MEMO1: variants seen among roughly 807,000 people sequenced by gnomAD.
MEMO1 encodes the protein mediator of cell motility 1, also known as protein MEMO1.
Under a neutral mutation model 45.2 loss-of-function variants are expected in MEMO1, and 6 were observed. That is an observed-to-expected ratio of 0.13 (90% CI 0.07 to 0.26). The LOEUF (loss-of-function observed/expected upper bound fraction) is 0.26. MEMO1 is among the 10% of genes least tolerant of loss of function. MEMO1 has a pLI of 1.00. For synonymous variants in MEMO1, 78 were observed against 124.3 expected, an observed-to-expected ratio of 0.63 and a Z score of 2.48; for missense variants, 184 against 370.5, an observed-to-expected ratio of 0.50 and a Z score of 4.13.
chr2:31,904,440 G>A (rs1020970835), intron 6 of MEMO1, among the ~76,000 whole-genome samples: 6 of 152,204 alleles, frequency 3.9e-5, no homozygotes, highest in East Asian at 1.9e-4. Flanking sequence ...GATTTTAAAT[G>A]TTAAAGCAGC....
At chr2:31,921,934 CAA>C (rs1682376991) in intron 4 of MEMO1, among the ~76,000 whole-genome samples, 1 of 152,108 alleles carries the variant, frequency 6.6e-6, no homozygotes, top group African/African-American at 2.4e-5. Flanking sequence ...ATCTTGACAT[CAA>C]GAGTAATGTT....
At chr2:32,004,342 A>G (rs972979497) in intron 2 of MEMO1, among the ~76,000 whole-genome samples, 1 of 152,178 alleles carries the variant, frequency 6.6e-6, no homozygotes, top group African/African-American at 2.4e-5. Flanking sequence ...CAGTAGAAAA[A>G]AAGGGCAAAA....
intron 2 of MEMO1, among the ~76,000 whole-genome samples, chr2:31,971,388 C>T (rs1229657762): frequency 1.3e-5 from 2 of 152,028 alleles, no homozygotes; most frequent in Admixed American, 1.3e-4. Flanking sequence ...GCTAGGACTA[C>T]AGGCTTGCAT....
chr2:31,991,571 C>A (rs1243079513), intron 2 of MEMO1, among the ~76,000 whole-genome samples: 16 of 110,172 alleles, frequency 1.5e-4, no homozygotes, highest in African/African-American at 3.4e-4. Flanking sequence ...AACTCCGACT[C>A]AAAAAAAAAA....
At chr2:31,910,354 A>G (rs1483506474) in intron 6 of MEMO1, among the ~76,000 whole-genome samples, 1 of 152,190 alleles carries the variant, frequency 6.6e-6, no homozygotes, top group Middle Eastern at 3.2e-3. Flanking sequence ...AGAACAAATG[A>G]GGGTAAAATA....
chr2:32,001,435 T>C (rs1458639691), intron 2 of MEMO1, among the ~76,000 whole-genome samples: 2 of 152,112 alleles, frequency 1.3e-5, no homozygotes. Context: ...ATTATATTTA[T>C]ATTATACTAA....
At chr2:31,982,020 C>T (rs966613356) in intron 2 of MEMO1, among the ~76,000 whole-genome samples, 1 of 152,140 alleles carries the variant, frequency 6.6e-6, no homozygotes, top group Admixed American at 6.6e-5. Context: ...TACAACTGGC[C>T]GGGCGCGGTG....
intron 2 of MEMO1, among the ~76,000 whole-genome samples, chr2:31,959,324 G>C (rs547457671): frequency 6.6e-6 from 1 of 152,254 alleles, no homozygotes; most frequent in East Asian, 1.9e-4. Context: ...GAAAAAGTGA[G>C]TCCTGAGATA....
At chr2:31,947,495 C>T (rs529248292) in intron 2 of MEMO1, among the ~76,000 whole-genome samples, 1 of 152,212 alleles carries the variant, frequency 6.6e-6, no homozygotes, top group African/African-American at 2.4e-5. Flanking sequence ...TTTAGAAATA[C>T]GTGCTTTGAT....
intron 2 of MEMO1, among the ~76,000 whole-genome samples, chr2:31,990,684 G>C (rs904519668): frequency 6.6e-6 from 1 of 151,200 alleles, no homozygotes; most frequent in Non-Finnish European, 1.5e-5. Context: ...TAGGATTACA[G>C]GTATGAGCGA....
chr2:32,000,669 GTC>G (rs1203840034), intron 2 of MEMO1, among the ~76,000 whole-genome samples: 2 of 152,150 alleles, frequency 1.3e-5, no homozygotes, highest in Non-Finnish European at 2.9e-5. Flanking sequence ...CCTGGCCGAA[GTC>G]TTCCCTTTCA....
chr2:31,881,413 T>A (rs1467661244), intron 8 of MEMO1, among the ~76,000 whole-genome samples: 1 of 146,290 alleles, frequency 6.8e-6, no homozygotes, highest in Admixed American at 7.1e-5. Context: ...GAGGACTGCC[T>A]GAGCCTGGGA....
At chr2:31,988,233 G>T (rs753419572) in intron 2 of MEMO1, among the ~76,000 whole-genome samples, 13 of 152,112 alleles carry the variant, frequency 8.5e-5, no homozygotes, top group Non-Finnish European at 1.5e-4. Flanking sequence ...CACTGTATTG[G>T]GATTTTCCCT....
chr2:31,874,315 C>G (rs1430104868), intron 8 of MEMO1, among the ~76,000 whole-genome samples: 3 of 152,012 alleles, frequency 2.0e-5, no homozygotes, highest in African/African-American at 7.2e-5. Context: ...ATTGACATTG[C>G]AAAGCACTAA....
chr2:31,933,334 AAAAAAAAAAAAAAAATTT>A (rs1558514043), intron 3 of MEMO1, among the ~76,000 whole-genome samples: 3 of 58,348 alleles, frequency 5.1e-5, no homozygotes, highest in African/African-American at 2.3e-4. Flanking sequence ...AAAAAAAAAA[AAAAAAAAAAAAAAAATTT>A]ATATATATAT....
intron 2 of MEMO1, among the ~76,000 whole-genome samples, chr2:31,996,459 A>T (rs1349416776): frequency 1.3e-5 from 2 of 152,010 alleles, no homozygotes. Context: ...CAGGAGAATC[A>T]CTTGAACCTG....
Position 31,910,039 on chromosome 2 carries a change from A to T in MEMO1, c.437+7887T>A, listed in dbSNP as rs1157775893. 5.3e-5 allele frequency among the ~76,000 whole-genome samples: 8 copies of T among 152,252 alleles called. No individual in the cohort carries two copies. The South Asian group carries it at 1.2e-3, about 24-fold the overall frequency. On this transcript the variant is annotated intron_variant, in intron 6 of 9. Coordinates refer to ENST00000404530, the MANE Select transcript of MEMO1 (RefSeq NM_001301833.4). ...CAAACATGGATAAAAATGATAAGAA[A>T]CATAAAAATGATAAGAATTATGTAA...
chr2:31,963,303 C>A, intron 2 of MEMO1: 1 of 1,485,990 alleles, frequency 6.7e-7, no homozygotes, highest in African/African-American at 1.4e-5. Flanking sequence ...GATAGGGATA[C>A]AGATAGATAT....
In MEMO1 at chr2:31,916,097, G is replaced by A. The variant is rs1681395272; in HGVS notation, c.437+1829C>T. Among the ~76,000 whole-genome samples, 6 of 152,124 alleles carry A rather than the reference G, an allele frequency of 3.9e-5. 1 individual carries two copies. The South Asian group carries it at 1.2e-3, about 32-fold the overall frequency. On this transcript the variant is annotated intron_variant, in intron 6 of 9. Transcript: ENST00000404530. ...ATTATAAATAGGAATTTGGTTTGCTGGCTTTTAAGTTTCTATTTTCCTAAA... is the reference window on the plus strand; with the variant it reads ...ATTATAAATAGGAATTTGGTTTGCTAGCTTTTAAGTTTCTATTTTCCTAAA...
Sources: gnomAD v4.1 joint callset for allele counts (sites outside exome capture counted in the v4.1 genomes callset) on GRCh38, gnomAD v4.1.1 for gene constraint, MANE v1.5 for transcripts, NCBI Gene and HGNC (gene_info 2026-07-23, HGNC 2026-07-21) for gene names.